CEP72: variants seen among roughly 807,000 people sequenced by gnomAD.
CEP72 encodes centrosomal protein of 72 kDa.
In CEP72, 78 loss-of-function variants were observed where a neutral mutation model predicts 65.7. The ratio of observed to expected loss-of-function variants is 1.19; its 90% CI spans 0.99 to 1.43. CEP72 has a LOEUF of 1.43. Ranked by LOEUF, CEP72 falls within the 40% of genes most tolerant of loss-of-function variation. The pLI is 0.00. For missense variants in CEP72, 914 were observed against 832.9 expected (o/e 1.10, Z -1.20); for synonymous variants, 358 against 351.7 (o/e 1.02, Z -0.20).
chr5:676,434 CAG>C, the CEP72 span: 1 of 152,332 alleles, frequency 6.6e-6, no homozygotes, highest in Middle Eastern at 3.4e-3. Flanking sequence ...GCCTTCCACA[CAG>C]GGGCATCTGA....
In CEP72 at chr5:624,385, C is replaced by A; in HGVS notation, c.404-86C>A. On this transcript the variant is annotated intron_variant, in intron 3 of 11. Transcript: ENST00000264935. The surrounding 1 kb of genome is among the most constrained non-coding windows in gnomAD (Gnocchi z 4.7). ...GCAGGGCTGGCCCCGAGGGGATGGA[C>A]ACCCTGCCCCGTGTAGATGCCCCAG... 1.1e-6 allele frequency: 1 copy of A among 895,068 alleles called. No individual in the cohort carries two copies. The highest frequency in any genetic ancestry group is 1.9e-6 in the Non-Finnish European group (1 of 540,234). The allele number at this position is 895,068 out of a possible 1,614,324, so 55.4% of individuals were successfully genotyped here. A position where few individuals can be genotyped will look rare whatever the true frequency, so the allele number is the denominator to read the frequency against.
At position 624,492 on chromosome 5, in the gene CEP72, G is replaced by A; in HGVS notation, c.425G>A (p.Ser142Asn). The A allele has an allele frequency of 1.2e-6, 2 of 1,614,148 alleles. No individual in the cohort carries two copies. Among genetic ancestry groups the A allele is most frequent in the Middle Eastern group, 1.6e-4 (1 of 6,062 alleles). The change falls in exon 4 of 12, where the codon AGC becomes AAC. Residue 142 changes from serine to asparagine, a missense_variant. Transcript: ENST00000264935. The surrounding 1 kb of genome is among the most constrained non-coding windows in gnomAD (Gnocchi z 4.7). ...CTAGACGATCGCCCCGTGAGAGCAA[G>A]CGAGCGGAAGGCTTCCCGACTGCAT... ...QQLDDRPVRA[S>N]ERKASRLHFA... is the part of the protein sequence containing the mutation.
At chr5:620,835 G>T (rs1213174589) in intron 3 of CEP72, among the ~76,000 whole-genome samples, 1 of 152,234 alleles carries the variant, frequency 6.6e-6, no homozygotes, top group Non-Finnish European at 1.5e-5. Context: ...CCAGTAGGGA[G>T]GGTCCCTGGG....
In CEP72 at chr5:619,068, C is replaced by CTTTGGATCTTAAACTCCA; in HGVS notation, c.161_162insTTTGGATCTTAAACTCCA (p.Thr54_Gly55insLeuAspLeuLysLeuGln). 1 of 1,613,752 alleles carries CTTTGGATCTTAAACTCCA rather than the reference C, an allele frequency of 6.2e-7. No homozygotes were observed. The highest frequency in any genetic ancestry group is 1.1e-5 in the South Asian group (1 of 91,064). The stretch of plus-strand genomic sequence containing the variant: ...CTGGGACATTCTCTGATGAGTTTAA[C>CTTTGGATCTTAAACTCCA]AGGTCTGAAATCTTTGGATCTCTCG... On this transcript the variant is annotated inframe_insertion, in exon 2 of 12. Coordinates refer to ENST00000264935, the MANE Select transcript of CEP72 (RefSeq NM_018140.4).
chr5:622,475 C>T (rs936981810), intron 3 of CEP72, among the ~76,000 whole-genome samples: 7 of 152,314 alleles, frequency 4.6e-5, no homozygotes, highest in South Asian at 2.1e-4. Context: ...GCACTCAGGG[C>T]GTCTGTGTGG....
downstream of CEP72, among the ~76,000 whole-genome samples, chr5:654,076 G>A (rs1014382594): frequency 2.5e-4 from 32 of 129,236 alleles, no homozygotes; most frequent in Admixed American, 1.5e-3. Context: ...CTGTGTGTGC[G>A]CCTAGTGTGT....
At position 612,382 on chromosome 5, in the gene CEP72, G is replaced by C; in HGVS notation, c.21G>C (p.Arg7=). The C allele has an allele frequency of 3.4e-6, 5 of 1,491,812 alleles. No individual in the cohort carries two copies. Among genetic ancestry groups the C allele is most frequent in the Non-Finnish European group, 4.4e-6 (5 of 1,125,890 alleles). 92.4% of individuals were successfully genotyped at this position (1,491,812 alleles called of 1,614,324 possible). A position where few individuals can be genotyped will look rare whatever the true frequency, so the allele number is the denominator to read the frequency against. MARAGP[R]LVLSEEAVRA... ...GAAACATGGCGCGGGCTGGCCCTCG[G>C]CTGGTGCTGAGCGAGGAGGCGGTTC... The change falls in exon 1 of 12, where the codon CGG becomes CGC. Residue 7 remains arginine, a synonymous_variant. Coordinates refer to ENST00000264935, the MANE Select transcript of CEP72 (RefSeq NM_018140.4).
At chr5:617,133 C>A (rs1235379723) in intron 1 of CEP72, among the ~76,000 whole-genome samples, 1 of 152,090 alleles carries the variant, frequency 6.6e-6, no homozygotes, top group Non-Finnish European at 1.5e-5. Context: ...CTGTGGCACC[C>A]AGAGTGGGAT....
chr5:627,512 G>C (rs1172066479), intron 4 of CEP72, among the ~76,000 whole-genome samples: 1 of 152,174 alleles, frequency 6.6e-6, no homozygotes, highest in East Asian at 1.9e-4. Flanking sequence ...GTCACTGTCT[G>C]TACTGAAAAC....
At chr5:643,388 C>A in intron 9 of CEP72, 1 of 985,368 alleles carries the variant, frequency 1.0e-6, no homozygotes, top group Non-Finnish European at 1.2e-6. Context: ...GAGAAGTCCG[C>A]GAAATGAAGA....
the CEP72 span, among the ~76,000 whole-genome samples, chr5:673,287 G>A: frequency 1.3e-5 from 2 of 152,156 alleles, no homozygotes; most frequent in African/African-American, 2.4e-5. Flanking sequence ...TGAGTTTTTA[G>A]GCCCCTTGCT....
intron 5 of CEP72, among the ~76,000 whole-genome samples, chr5:634,373 C>T (rs558239547): frequency 5.9e-5 from 9 of 152,208 alleles, no homozygotes; most frequent in Admixed American, 5.2e-4. Context: ...CTCCGTTGCC[C>T]GGTGGCACTG....
intron 11 of CEP72, among the ~76,000 whole-genome samples, chr5:651,049 CTGTGAGGTGTGGACTG>C (rs2126827019): frequency 2.5e-5 from 2 of 79,748 alleles, no homozygotes; most frequent in African/African-American, 6.8e-5. Context: ...TGAGGTGTGA[CTGTGAGGTGTGGACTG>C]TGAGGTGTGA....
rs984039089 is a variant in CEP72, at chr5:643,699, G to T, written c.1540-600G>T. The T allele has an allele frequency of 4.1e-6, 4 of 976,730 alleles. No individual in the cohort carries two copies. In the East Asian group the frequency reaches 3.4e-4, roughly 83 times the overall value. The allele number at this position is 976,730 out of a possible 1,614,324, so 60.5% of individuals were successfully genotyped here. On this transcript the variant is annotated intron_variant, in intron 9 of 11. Transcript: ENST00000264935. ...GACGGGATCCCTGGGGACCCTGGCC[G>T]CAGGTGCTGGCGGCTTGGATGGCTC...
intron 9 of CEP72, chr5:643,754 A>T: frequency 2.7e-6 from 2 of 727,920 alleles, no homozygotes; most frequent in Non-Finnish European, 3.4e-6. Flanking sequence ...GGGGCCAGGG[A>T]GGGGCAGAGG....
At position 633,951 on chromosome 5, in the gene CEP72, C is replaced by T. The variant is rs570403761; in HGVS notation, c.691+4C>T. On this transcript the variant is annotated splice_donor_region_variant and intron_variant, in intron 5 of 11. Transcript: ENST00000264935. ...GCCGACTCTCGTGGTTCCCAAGGTG[C>T]GCTGCTCATCTGCCAGGAGGCCAGT... 19 of 1,610,018 alleles carry T rather than the reference C, an allele frequency of 1.2e-5. No individual in the cohort carries two copies. The highest frequency in any genetic ancestry group is 1.7e-4 in the Middle Eastern group (1 of 6,056).
chr5:637,454 A>G, intron 6 of CEP72, 63 bp from the exon 7 acceptor site: 1 of 1,452,094 alleles, frequency 6.9e-7, no homozygotes. Context: ...TAAAAGTTAC[A>G]GTGCTGAACA....
At position 623,920 on chromosome 5, in the gene CEP72, T is replaced by C. The variant is rs1478890909; in HGVS notation, c.404-551T>C. On this transcript the variant is annotated intron_variant, in intron 3 of 11. Coordinates refer to ENST00000264935, the MANE Select transcript of CEP72 (RefSeq NM_018140.4). The surrounding 1 kb of genome is among the most constrained non-coding windows in gnomAD (Gnocchi z 5.3). ...CTTGTCACAGAATTCACATTACAAA[T>C]GGGGGTTAAGATGTGTTGTAAGTTC... Among the ~76,000 whole-genome samples, 1 of 152,060 alleles carries C rather than the reference T, an allele frequency of 6.6e-6. No individual in the cohort carries two copies. Among genetic ancestry groups the C allele is most frequent in the Non-Finnish European group, 1.5e-5 (1 of 67,986 alleles).
At chr5:657,412 G>A (rs1228146750), downstream of CEP72, among the ~76,000 whole-genome samples, 3 of 152,142 alleles carry the variant, frequency 2.0e-5, no homozygotes, top group Non-Finnish European at 1.5e-5. Context: ...GAAAGGATTC[G>A]CATCTTTACA....
Sources: gnomAD v4.1 joint callset for allele counts (sites outside exome capture counted in the v4.1 genomes callset) on GRCh38, gnomAD v4.1.1 for gene constraint, Gnocchi (gnomAD v3.1) non-coding constraint, MANE v1.5 for transcripts, NCBI Gene and HGNC (gene_info 2026-07-23, HGNC 2026-07-21) for gene names.